CADM2: variants seen among roughly 807,000 people sequenced by gnomAD.
CADM2 encodes cell adhesion molecule 2, also known as immunoglobulin superfamily member 4D.
In CADM2, 12 loss-of-function variants were observed where a neutral mutation model predicts 49.8. The ratio of observed to expected loss-of-function variants is 0.24; its 90% CI spans 0.15 to 0.39. CADM2 has a LOEUF of 0.39. CADM2 is among the 10% of genes least tolerant of loss of function. CADM2 has a pLI of 1.00. For missense variants in CADM2, 378 were observed against 492.3 expected (o/e 0.77, Z 2.20); for synonymous variants, 214 against 175.4 (o/e 1.22, Z -1.74).
At chr3:85,484,342 C>G (rs539740948) in intron 1 of CADM2, among the ~76,000 whole-genome samples, 2 of 151,846 alleles carry the variant, frequency 1.3e-5, no homozygotes, top group Non-Finnish European at 2.9e-5. Context: ...AGTACTTTAT[C>G]TTTTTATACA....
At chr3:85,594,681 A>G (rs1373523376) in intron 1 of CADM2, among the ~76,000 whole-genome samples, 3 of 152,022 alleles carry the variant, frequency 2.0e-5, no homozygotes, top group African/African-American at 7.2e-5. Context: ...GACAGAGAGC[A>G]TATGACACAG....
chr3:85,042,682 T>C (rs1198506364), intron 1 of CADM2, among the ~76,000 whole-genome samples: 3 of 152,196 alleles, frequency 2.0e-5, no homozygotes, highest in African/African-American at 7.2e-5. Context: ...CAGTTTTGAA[T>C]AGCTTAAATG....
intron 2 of CADM2, among the ~76,000 whole-genome samples, chr3:85,798,965 T>C (rs1316318873): frequency 6.6e-6 from 1 of 152,234 alleles, no homozygotes; most frequent in Non-Finnish European, 1.5e-5. Context: ...GGTTTGTAGT[T>C]CTCTTTGAAG....
intron 3 of CADM2, among the ~76,000 whole-genome samples, chr3:85,877,154 G>A (rs1356794318): frequency 2.0e-5 from 3 of 152,078 alleles, no homozygotes; most frequent in African/African-American, 4.8e-5. Flanking sequence ...ATGGCTGTTA[G>A]GGCATGACCT....
At chr3:85,509,947 A>G (rs1248185208) in intron 1 of CADM2, among the ~76,000 whole-genome samples, 1 of 152,040 alleles carries the variant, frequency 6.6e-6, no homozygotes, top group Non-Finnish European at 1.5e-5. Context: ...TATTCCTATA[A>G]TCATGGTAAT....
chr3:85,933,710 A>T (rs1049896241), intron 6 of CADM2, among the ~76,000 whole-genome samples: 6 of 152,138 alleles, frequency 3.9e-5, no homozygotes, highest in Admixed American at 2.0e-4. Flanking sequence ...TGGCCTGAGA[A>T]CGAAGAGAAT....
intron 1 of CADM2, among the ~76,000 whole-genome samples, chr3:85,178,438 C>CT (rs2040841445): frequency 1.3e-5 from 2 of 151,756 alleles, no homozygotes; most frequent in Admixed American, 1.3e-4. Context: ...TTTACTACAT[C>CT]TTTTTGGAAA....
rs9838412 is a variant in CADM2, at chr3:86,071,151, C to T, written c.*4368C>T. The T allele has an allele frequency of 4.0e-5, 6 of 151,520 alleles. No individual in the cohort carries two copies. The highest frequency in any genetic ancestry group is 2.0e-4 in the Admixed American group (3 of 15,208). 9.4% of individuals were successfully genotyped at this position (151,520 alleles called of 1,614,324 possible). On this transcript the variant is annotated 3_prime_UTR_variant, in exon 10 of 10. Coordinates refer to ENST00000383699, the MANE Select transcript of CADM2 (RefSeq NM_001167675.2). ...AAGAAATAACCTGAGTTTTAAATTTCGATTCATATCTCATTGAATTGGGAA... is the reference window on the plus strand; with the variant it reads ...AAGAAATAACCTGAGTTTTAAATTTTGATTCATATCTCATTGAATTGGGAA...
At chr3:86,009,612 ACTAT>A (rs1731240195) in intron 8 of CADM2, among the ~76,000 whole-genome samples, 1 of 151,852 alleles carries the variant, frequency 6.6e-6, no homozygotes, top group African/African-American at 2.4e-5. Context: ...TGACAATGTA[ACTAT>A]CTAATGACAT....
chr3:85,261,093 T>G (rs527835463), intron 1 of CADM2, among the ~76,000 whole-genome samples: 12 of 152,254 alleles, frequency 7.9e-5, no homozygotes, highest in African/African-American at 2.9e-4. Context: ...ATTGCTTTTC[T>G]TTCTCAACAG....
At chr3:85,683,485 T>C (rs753107365) in intron 1 of CADM2, among the ~76,000 whole-genome samples, 12 of 152,202 alleles carry the variant, frequency 7.9e-5, no homozygotes, top group Non-Finnish European at 1.5e-4. Flanking sequence ...ATATTGATCC[T>C]GCTCTACTTA....
rs2108733014 is a variant in CADM2, at chr3:85,998,945, G to C, written c.970+37298G>C. Among the ~76,000 whole-genome samples the C allele has an allele frequency of 2.0e-5, 3 of 152,266 alleles. No individual in the cohort carries two copies. The Middle Eastern group carries it at 0.01, about 518-fold the overall frequency. On this transcript the variant is annotated intron_variant, in intron 8 of 9. Coordinates refer to ENST00000383699, the MANE Select transcript of CADM2 (RefSeq NM_001167675.2). ...AAAGAATGAGAGATACCAAAGAACT[G>C]ATGCTAGGATTTTAGCTTTGGTCTC...
intron 1 of CADM2, among the ~76,000 whole-genome samples, chr3:85,610,979 T>C (rs2107449588): frequency 6.6e-6 from 1 of 152,042 alleles, no homozygotes; most frequent in African/African-American, 2.4e-5. Flanking sequence ...GAGGACAGAT[T>C]AATTGACTGA....
chr3:84,988,315 G>C (rs955129903), intron 1 of CADM2, among the ~76,000 whole-genome samples: 1 of 152,160 alleles, frequency 6.6e-6, no homozygotes, highest in Non-Finnish European at 1.5e-5. Context: ...CTTTTCCTTT[G>C]CAGTATCTTC....
intron 3 of CADM2, among the ~76,000 whole-genome samples, chr3:85,832,286 C>A (rs990558729): frequency 7.2e-5 from 11 of 151,770 alleles, no homozygotes; most frequent in Non-Finnish European, 1.2e-4. Flanking sequence ...CTTAGAATTT[C>A]TTTGGCTATT....
Position 85,834,741 on chromosome 3 carries a change from A to G in CADM2, c.238+32545A>G, listed in dbSNP as rs563700675. ...AAGTTTTCCTGTATCTTCTTGGGGA[A>G]AAAAAAAAAAACACGTTGGCCTTGG... On this transcript the variant is annotated intron_variant, in intron 3 of 9. Coordinates refer to ENST00000383699, the MANE Select transcript of CADM2 (RefSeq NM_001167675.2). 2.9e-3 allele frequency among the ~76,000 whole-genome samples: 415 copies of G among 142,484 alleles called. 1 individual carries two copies. The highest frequency in any genetic ancestry group is 4.0e-3 in the Non-Finnish European group (261 of 64,472). 93.5% of individuals were successfully genotyped at this position (142,484 alleles called of 152,430 possible).
chr3:85,244,182 G>T (rs1053153105), intron 1 of CADM2, among the ~76,000 whole-genome samples: 3 of 151,988 alleles, frequency 2.0e-5, no homozygotes, highest in Admixed American at 6.6e-5. Context: ...TGGGTACATG[G>T]CTAATCATGC....
At position 85,866,435 on chromosome 3, in the gene CADM2, T is replaced by C. The variant is rs78418644; in HGVS notation, c.239-16856T>C. ...TTTCTAGAACAGTTTTCTTGATTCA[T>C]TGGAGTCTTATTTAATTACATTCCT... On this transcript the variant is annotated intron_variant, in intron 3 of 9. Transcript: ENST00000383699. Among the ~76,000 whole-genome samples the C allele has an allele frequency of 2.5e-3, 388 of 152,290 alleles. 12 individuals are homozygous for C. In the East Asian group the frequency reaches 0.071, roughly 28 times the overall value.
At chr3:85,189,622 T>A (rs764678740) in intron 1 of CADM2, among the ~76,000 whole-genome samples, 1 of 152,208 alleles carries the variant, frequency 6.6e-6, no homozygotes, top group Admixed American at 6.5e-5. Flanking sequence ...TACGCCAAGA[T>A]ACAATAAATT....
Sources: gnomAD v4.1 joint callset for allele counts (sites outside exome capture counted in the v4.1 genomes callset) on GRCh38, gnomAD v4.1.1 for gene constraint, MANE v1.5 for transcripts, NCBI Gene and HGNC (gene_info 2026-07-23, HGNC 2026-07-21) for gene names.